Variants in RNGTT observed in about 807,000 individuals in gnomAD.
RNGTT encodes RNA guanylyltransferase and 5'-phosphatase.
Under a neutral mutation model 79.3 loss-of-function variants are expected in RNGTT, and 33 were observed. The ratio of observed to expected loss-of-function variants is 0.42; its 90% confidence interval spans 0.32 to 0.56. The LOEUF (loss-of-function observed/expected upper bound fraction) is 0.56, where lower values mean the gene tolerates loss of function less well. RNGTT is among the 20% of genes least tolerant of loss of function. RNGTT has a pLI of 0.17. For missense variants in RNGTT, 497 were observed against 739.1 expected (o/e 0.67, Z 3.80); for synonymous variants, 222 against 235.9 (o/e 0.94, Z 0.54).
intron 13 of RNGTT, among the ~76,000 whole-genome samples, chr6:88,750,143 C>T (rs2127829848): frequency 1.3e-5 from 2 of 152,230 alleles, no homozygotes; most frequent in Middle Eastern, 6.8e-3. Flanking sequence ...GGGTCACATT[C>T]ACAGGTACCA....
intron 7 of RNGTT, among the ~76,000 whole-genome samples, chr6:88,891,325 C>T (rs4345371): frequency 0.095 from 14,418 of 152,160 alleles, 876 homozygotes; most frequent in Middle Eastern, 0.2. Context: ...GAAATGACCA[C>T]AGGCCAAGAC....
intron 12 of RNGTT, among the ~76,000 whole-genome samples, chr6:88,787,436 G>A (rs758721331): frequency 2.0e-5 from 3 of 152,008 alleles, no homozygotes; most frequent in African/African-American, 7.2e-5. Context: ...CGAGGTGGGC[G>A]GATCACAAGG....
chr6:88,742,398 C>T (rs887420900), intron 13 of RNGTT, among the ~76,000 whole-genome samples: 2 of 152,192 alleles, frequency 1.3e-5, no homozygotes, highest in Non-Finnish European at 2.9e-5. Context: ...ACAACTAGCT[C>T]ATATCATATC....
intron 13 of RNGTT, among the ~76,000 whole-genome samples, chr6:88,725,854 G>T (rs989951878): frequency 6.6e-6 from 1 of 152,054 alleles, no homozygotes. Flanking sequence ...CAGCATAAGC[G>T]GCTGGCACAG....
chr6:88,914,487 T>C (rs1041831558), intron 4 of RNGTT, among the ~76,000 whole-genome samples: 13 of 151,844 alleles, frequency 8.6e-5, no homozygotes, highest in African/African-American at 2.9e-4. Context: ...TAAAGCCACA[T>C]ACCTACAACT....
At chr6:88,803,530 T>C (rs991102619) in intron 11 of RNGTT, among the ~76,000 whole-genome samples, 3 of 148,224 alleles carry the variant, frequency 2.0e-5, no homozygotes, top group Middle Eastern at 3.7e-3. Context: ...TGAGCCAAGA[T>C]TGTGCCACTG....
intron 14 of RNGTT, among the ~76,000 whole-genome samples, chr6:88,645,947 G>A (rs1423941417): frequency 6.6e-6 from 1 of 152,162 alleles, no homozygotes; most frequent in Admixed American, 6.5e-5. Flanking sequence ...GCATGGGCAA[G>A]GACTTCACGT....
At chr6:88,645,856 G>C (rs1176035747) in intron 14 of RNGTT, among the ~76,000 whole-genome samples, 1 of 152,204 alleles carries the variant, frequency 6.6e-6, no homozygotes, top group Non-Finnish European at 1.5e-5. Flanking sequence ...AATTAGTCAA[G>C]ATGGATTAAA....
At chr6:88,787,322 A>G (rs1779259544) in intron 12 of RNGTT, among the ~76,000 whole-genome samples, 1 of 152,170 alleles carries the variant, frequency 6.6e-6, no homozygotes, top group Non-Finnish European at 1.5e-5. Flanking sequence ...CCTGAGAACA[A>G]GGAGAAAGCA....
intron 14 of RNGTT, among the ~76,000 whole-genome samples, chr6:88,654,881 T>G (rs552382797): frequency 6.6e-6 from 1 of 152,280 alleles, no homozygotes; most frequent in Non-Finnish European, 1.5e-5. Flanking sequence ...CAAAACAAAA[T>G]GGCATCACAC....
intron 12 of RNGTT, among the ~76,000 whole-genome samples, chr6:88,786,996 C>G (rs1779248886): frequency 6.6e-6 from 1 of 152,168 alleles, no homozygotes; most frequent in African/African-American, 2.4e-5. Context: ...GCCTTCACCA[C>G]ACACCGAATC....
intron 11 of RNGTT, among the ~76,000 whole-genome samples, chr6:88,821,487 A>G (rs890620564): frequency 1.3e-5 from 2 of 152,106 alleles, no homozygotes; most frequent in Non-Finnish European, 2.9e-5. Flanking sequence ...AAGAAGAACA[A>G]AGAAAAGTAT....
intron 13 of RNGTT, among the ~76,000 whole-genome samples, chr6:88,709,177 C>T (rs539161291): frequency 9.9e-5 from 15 of 152,122 alleles, no homozygotes; most frequent in Non-Finnish European, 1.3e-4. Context: ...TGCTGGCATG[C>T]GCCTGTAATC....
chr6:88,842,874 C>A (rs916608775), intron 11 of RNGTT, among the ~76,000 whole-genome samples: 1 of 151,976 alleles, frequency 6.6e-6, no homozygotes, highest in African/African-American at 2.4e-5. Context: ...GAGTTGGAGA[C>A]CAGCCTAGGC....
At chr6:88,880,920 CTTTTCCCAGAA>C (rs1240488142) in intron 8 of RNGTT, among the ~76,000 whole-genome samples, 1 of 152,108 alleles carries the variant, frequency 6.6e-6, no homozygotes, top group Non-Finnish European at 1.5e-5. Context: ...AAAATTCTAT[CTTTTCCCAGAA>C]TATGTGTGAA....
Position 88,784,320 on chromosome 6 carries a change from C to T in RNGTT, c.1339-14446G>A, listed in dbSNP as rs76701608. Among the ~76,000 whole-genome samples the T allele has an allele frequency of 9.0e-3, 1,371 of 152,114 alleles. 19 individuals are homozygous for T. The highest frequency in any genetic ancestry group is 0.031 in the African/African-American group (1,287 of 41,490). On this transcript the variant is annotated intron_variant, in intron 12 of 15. Transcript: ENST00000369485. Reference sequence around the variant, plus strand: ...ATGGTCTCTGTCTTCATGGTACTTACAATCTAGTAAGAGAAATGGTAATGT... The same window carrying T: ...ATGGTCTCTGTCTTCATGGTACTTATAATCTAGTAAGAGAAATGGTAATGT...
rs76232793 is a variant in RNGTT, at chr6:88,940,662, C to T, written c.174+409G>A. On this transcript the variant is annotated intron_variant, in intron 2 of 15. Coordinates refer to ENST00000369485, the MANE Select transcript of RNGTT (RefSeq NM_003800.5). ...TTTTGTTTTTCTACTCTGGCGAGTACAGGGACGGGGTGAGGAGAGAGTTTG... is the reference window on the plus strand; with the variant it reads ...TTTTGTTTTTCTACTCTGGCGAGTATAGGGACGGGGTGAGGAGAGAGTTTG... Among the ~76,000 whole-genome samples the T allele has an allele frequency of 3.8e-3, 573 of 152,206 alleles. 5 individuals are homozygous for T. The highest frequency in any genetic ancestry group is 0.013 in the African/African-American group (557 of 41,538).
intron 8 of RNGTT, among the ~76,000 whole-genome samples, chr6:88,868,295 G>T (rs1048757233): frequency 6.6e-6 from 1 of 152,196 alleles, no homozygotes; most frequent in South Asian, 2.1e-4. Context: ...CAAGGAGTGG[G>T]AGTTGACATC....
intron 13 of RNGTT, among the ~76,000 whole-genome samples, chr6:88,717,934 C>A (rs1414746496): frequency 6.6e-6 from 1 of 152,058 alleles, no homozygotes; most frequent in African/African-American, 2.4e-5. Flanking sequence ...GGGGGAGCCA[C>A]CCACAAAGAT....
Sources: allele counts gnomAD v4.1 joint callset (sites outside exome capture counted in the v4.1 genomes callset), GRCh38; gene constraint gnomAD v4.1.1; transcripts MANE v1.5; gene names NCBI Gene and HGNC (gene_info 2026-07-23, HGNC 2026-07-21).